Variants in COL25A1 observed in about 807,000 individuals in gnomAD.
COL25A1 encodes the protein collagen type XXV alpha 1 chain.
In COL25A1, 103 loss-of-function variants were observed where a neutral mutation model predicts 128.4. That is an observed-to-expected ratio of 0.80 (90% confidence interval 0.68 to 0.94). The LOEUF is 0.94. Among genes scored for constraint, COL25A1 ranks in the 40% least tolerant of loss-of-function variants. The pLI, the probability that COL25A1 is intolerant of heterozygous loss-of-function variation, is 0.00. For synonymous variants in COL25A1, 279 were observed against 277.2 expected, an observed-to-expected ratio of 1.01 and a Z score of -0.06; for missense variants, 745 against 840.0, an observed-to-expected ratio of 0.89 and a Z score of 1.40.
At chr4:109,091,732 G>GA (rs546146394) in intron 3 of COL25A1, among the ~76,000 whole-genome samples, 2,287 of 129,512 alleles carry the variant, frequency 0.018, 45 homozygotes, top group African/African-American at 0.054. Flanking sequence ...TCTTTAGGTG[G>GA]AAAAAAAAAA....
At chr4:108,959,863 C>T (rs28626059) in intron 8 of COL25A1, among the ~76,000 whole-genome samples, 46,161 of 151,946 alleles carry the variant, frequency 0.3, 7,575 homozygotes, top group South Asian at 0.46. Context: ...TTGTAAATCT[C>T]TACATTAGCT....
At chr4:109,207,863 A>C (rs1363186183) in intron 3 of COL25A1, among the ~76,000 whole-genome samples, 3 of 152,220 alleles carry the variant, frequency 2.0e-5, no homozygotes, top group African/African-American at 7.2e-5. Flanking sequence ...CCATGCTAGC[A>C]ATAAAGTATA....
At chr4:109,251,002 A>G (rs970686506) in intron 3 of COL25A1, among the ~76,000 whole-genome samples, 2 of 152,208 alleles carry the variant, frequency 1.3e-5, no homozygotes, top group African/African-American at 2.4e-5. Flanking sequence ...AAAGTCCTTG[A>G]GTTATGTTTA....
intron 3 of COL25A1, among the ~76,000 whole-genome samples, chr4:109,127,879 T>A (rs1768783977): frequency 6.6e-6 from 1 of 152,158 alleles, no homozygotes; most frequent in African/African-American, 2.4e-5. Context: ...TTAAGTGATT[T>A]TTAAATCTTG....
chr4:109,026,100 G>GCACACACACACACACA (rs56718544), intron 5 of COL25A1, among the ~76,000 whole-genome samples: 203 of 137,152 alleles, frequency 1.5e-3, no homozygotes, highest in African/African-American at 4.8e-3. Flanking sequence ...AAAACACTTT[G>GCACACACACACACACA]CACACACACA....
intron 6 of COL25A1, among the ~76,000 whole-genome samples, chr4:108,983,309 C>T (rs1210991279): frequency 6.6e-6 from 1 of 152,154 alleles, no homozygotes; most frequent in Non-Finnish European, 1.5e-5. Context: ...GCCCTAGTAG[C>T]CCTGTGATTT....
intron 5 of COL25A1, among the ~76,000 whole-genome samples, chr4:109,016,809 C>G (rs182540190): frequency 1.3e-5 from 2 of 152,356 alleles, no homozygotes; most frequent in East Asian, 3.9e-4. Flanking sequence ...CTCCTGAGAG[C>G]TGTTCTGTTG....
At chr4:108,831,149 A>G (rs1733050316) in intron 32 of COL25A1, among the ~76,000 whole-genome samples, 1 of 151,778 alleles carries the variant, frequency 6.6e-6, no homozygotes, top group Admixed American at 6.6e-5. Flanking sequence ...CTTCTAGGTC[A>G]GGAAGAATAG....
At chr4:108,977,922 G>A (rs1578957248) in intron 6 of COL25A1, among the ~76,000 whole-genome samples, 1 of 152,266 alleles carries the variant, frequency 6.6e-6, no homozygotes, top group East Asian at 1.9e-4. Context: ...TTTTGCCAGT[G>A]AGATTTCACA....
intron 3 of COL25A1, among the ~76,000 whole-genome samples, chr4:109,295,840 AT>A (rs1451697321): frequency 6.6e-6 from 1 of 152,000 alleles, no homozygotes; most frequent in African/African-American, 2.4e-5. Flanking sequence ...ATGTATTCTT[AT>A]TTTGTACACC....
At chr4:109,025,506 T>C (rs554795323) in intron 5 of COL25A1, among the ~76,000 whole-genome samples, 1 of 152,344 alleles carries the variant, frequency 6.6e-6, no homozygotes, top group African/African-American at 2.4e-5. Context: ...AAGACAGACT[T>C]GACAATGCTC....
intron 11 of COL25A1, among the ~76,000 whole-genome samples, chr4:108,926,361 A>G (rs1270750624): frequency 2.6e-5 from 4 of 152,198 alleles, no homozygotes; most frequent in Non-Finnish European, 4.4e-5. Flanking sequence ...TAGCTTCTGT[A>G]ATAAAAAACA....
chr4:109,249,344 A>G (rs568973826), intron 3 of COL25A1, among the ~76,000 whole-genome samples: 27 of 151,312 alleles, frequency 1.8e-4, no homozygotes, highest in African/African-American at 6.3e-4. Context: ...TAATATATTC[A>G]TATTACCCAG....
chr4:109,242,508 G>A (rs1341855526), intron 3 of COL25A1, among the ~76,000 whole-genome samples: 2 of 152,014 alleles, frequency 1.3e-5, no homozygotes, highest in Non-Finnish European at 2.9e-5. Context: ...TTCTTAAGAT[G>A]GAGCTTGAAC....
chr4:109,284,368 T>G (rs1723664794), intron 3 of COL25A1, among the ~76,000 whole-genome samples: 1 of 152,188 alleles, frequency 6.6e-6, no homozygotes, highest in Non-Finnish European at 1.5e-5. Context: ...GAGGTTGCAG[T>G]GAGCCAAGAT....
Position 108,940,549 on chromosome 4 carries a change from G to C in COL25A1, c.662C>G (p.Pro221Arg). ...CAAAAAGCGACTCACGGGTACTCCT[G>C]GCATTCCACGGGGGCCATCTTTCCC... ...DTGKDGPRGM[P>R]GVPGEPGKPG... The change falls in exon 10 of 38, where the codon CCA becomes CGA. Residue 221 changes from proline to arginine, a missense_variant. Coordinates refer to ENST00000399132, the MANE Select transcript of COL25A1 (RefSeq NM_198721.4). 1 of 1,613,740 alleles carries C rather than the reference G, an allele frequency of 6.2e-7. No homozygotes were observed. Among genetic ancestry groups the C allele is most frequent in the Non-Finnish European group, 8.5e-7 (1 of 1,179,660 alleles).
chr4:109,175,983 G>A (rs1413806501), intron 3 of COL25A1, among the ~76,000 whole-genome samples: 1 of 152,136 alleles, frequency 6.6e-6, no homozygotes, highest in East Asian at 1.9e-4. Context: ...TTAGAGAATT[G>A]TATAATAGAC....
At chr4:109,098,641 A>G (rs552590080) in intron 3 of COL25A1, among the ~76,000 whole-genome samples, 1 of 152,368 alleles carries the variant, frequency 6.6e-6, no homozygotes, top group South Asian at 2.1e-4. Context: ...TGAAGCCTTC[A>G]TCAATCTTCT....
At chr4:109,149,231 G>C (rs1420421897) in intron 3 of COL25A1, among the ~76,000 whole-genome samples, 4 of 152,146 alleles carry the variant, frequency 2.6e-5, no homozygotes, top group Non-Finnish European at 4.4e-5. Context: ...ATTGCCAATG[G>C]ACAATGACCA....
Sources: allele counts gnomAD v4.1 joint callset (sites outside exome capture counted in the v4.1 genomes callset), GRCh38; gene constraint gnomAD v4.1.1; transcripts MANE v1.5; gene names NCBI Gene and HGNC (gene_info 2026-07-23, HGNC 2026-07-21).